Variants in CPVL observed in about 807,000 individuals in gnomAD.
CPVL encodes the protein probable serine carboxypeptidase CPVL.
Under a neutral mutation model 63.7 loss-of-function variants are expected in CPVL, and 51 were observed. That is an observed-to-expected ratio of 0.80 (90% CI 0.64 to 1.01). CPVL has a LOEUF of 1.01. CPVL is among the 50% of genes least tolerant of loss of function. The pLI, the probability that CPVL is intolerant of heterozygous loss-of-function variation, is 0.00. For missense variants in CPVL, 530 were observed against 573.1 expected (o/e 0.92, Z 0.77); for synonymous variants, 195 against 206.0 (o/e 0.95, Z 0.46).
At chr7:29,019,460 G>C (rs1786738660) in intron 12 of CPVL, among the ~76,000 whole-genome samples, 1 of 152,138 alleles carries the variant, frequency 6.6e-6, no homozygotes, top group South Asian at 2.1e-4. Flanking sequence ...GAATACACAG[G>C]GAAAATTGCT....
At chr7:29,087,697 G>A (rs769909920) in intron 6 of CPVL, among the ~76,000 whole-genome samples, 1 of 152,194 alleles carries the variant, frequency 6.6e-6, no homozygotes, top group Non-Finnish European at 1.5e-5. Context: ...AACCATCCAG[G>A]AAGATGAAAG....
intron 1 of CPVL, among the ~76,000 whole-genome samples, chr7:29,129,861 C>T (rs1790501713): frequency 6.6e-6 from 1 of 152,012 alleles, no homozygotes; most frequent in Non-Finnish European, 1.5e-5. Flanking sequence ...TAACTCGTGT[C>T]CTTATAATAA....
At chr7:29,144,911 T>G (rs1235073022) in intron 1 of CPVL, among the ~76,000 whole-genome samples, 1 of 152,110 alleles carries the variant, frequency 6.6e-6, no homozygotes, top group East Asian at 1.9e-4. Context: ...ATAAAGTGAT[T>G]TATAAACTGG....
intron 12 of CPVL, chr7:29,010,358 G>GA (rs1785692790): frequency 2.0e-5 from 3 of 149,740 alleles, no homozygotes; most frequent in African/African-American, 7.4e-5. Flanking sequence ...AGTACAAACA[G>GA]GAGAAAAAGA....
chr7:29,099,243 A>T (rs1332116741), intron 3 of CPVL, among the ~76,000 whole-genome samples: 1 of 126,482 alleles, frequency 7.9e-6, no homozygotes, highest in Non-Finnish European at 1.6e-5. Flanking sequence ...GAATTTGTAG[A>T]TGGCTTGAAC....
At chr7:29,073,246 G>A (rs972520699) in intron 7 of CPVL, among the ~76,000 whole-genome samples, 5 of 152,070 alleles carry the variant, frequency 3.3e-5, no homozygotes, top group Admixed American at 1.3e-4. Context: ...GGTGCCATTC[G>A]TTATATCTCT....
At chr7:29,117,540 T>C (rs1330477636) in intron 2 of CPVL, among the ~76,000 whole-genome samples, 1 of 152,148 alleles carries the variant, frequency 6.6e-6, no homozygotes, top group Non-Finnish European at 1.5e-5. Flanking sequence ...TATCATGGGC[T>C]CTGGGGTTGG....
chr7:29,046,591 A>ATACT (rs1412352863), intron 11 of CPVL, among the ~76,000 whole-genome samples: 3 of 151,570 alleles, frequency 2.0e-5, no homozygotes, highest in Non-Finnish European at 4.4e-5. Flanking sequence ...ACACACACAC[A>ATACT]CATACTCATA....
intron 12 of CPVL, among the ~76,000 whole-genome samples, chr7:29,004,002 G>C (rs896056012): frequency 6.6e-6 from 1 of 152,156 alleles, no homozygotes; most frequent in Non-Finnish European, 1.5e-5. Context: ...TGTGACCGAG[G>C]GATTGGGGGC....
intron 5 of CPVL, among the ~76,000 whole-genome samples, chr7:29,159,833 T>C (rs187249172): frequency 6.6e-6 from 1 of 152,306 alleles, no homozygotes; most frequent in Non-Finnish European, 1.5e-5. Context: ...CAGGAAATTA[T>C]TGTGATTTGT....
At chr7:29,073,846 T>C (rs1783984251) in intron 7 of CPVL, among the ~76,000 whole-genome samples, 1 of 152,198 alleles carries the variant, frequency 6.6e-6, no homozygotes, top group South Asian at 2.1e-4. Flanking sequence ...TAGTGCTCAA[T>C]AAATAGTTGT....
Position 29,108,739 on chromosome 7 carries a change from G to T in CPVL, c.288+3965C>A, listed in dbSNP as rs186662375. ...AAACCATTGCCAAGTAGGTATTTTG[G>T]TCCCCATTTTAAAATGAGGAAACCA... On this transcript the variant is annotated intron_variant, in intron 3 of 12. Transcript: ENST00000265394. Among the ~76,000 whole-genome samples, 774 of 152,196 alleles carry T rather than the reference G, an allele frequency of 5.1e-3. 4 individuals carry two copies. Among genetic ancestry groups the T allele is most frequent in the Admixed American group, 9.0e-3 (138 of 15,288 alleles).
At chr7:29,071,717 T>G in intron 9 of CPVL, 56 bp downstream of exon 9, 1 of 341,404 alleles carries the variant, frequency 2.9e-6, no homozygotes, top group Non-Finnish European at 5.0e-6. Flanking sequence ...TCACCCGCCC[T>G]CCCTCCCCAG....
At chr7:29,054,067 G>GT (rs1562743531) in intron 11 of CPVL, among the ~76,000 whole-genome samples, 1 of 151,748 alleles carries the variant, frequency 6.6e-6, no homozygotes, top group African/African-American at 2.4e-5. Flanking sequence ...GCAAGATCCT[G>GT]TCACAAAACA....
intron 12 of CPVL, among the ~76,000 whole-genome samples, chr7:29,014,960 GTC>G (rs1399703695): frequency 6.6e-6 from 1 of 152,218 alleles, no homozygotes; most frequent in African/African-American, 2.4e-5. Flanking sequence ...GTGGCTAGCT[GTC>G]TGTCATTCCT....
chr7:29,158,345 C>G (rs1794708535), intron 5 of CPVL, among the ~76,000 whole-genome samples: 1 of 152,138 alleles, frequency 6.6e-6, no homozygotes, highest in African/African-American at 2.4e-5. Context: ...CTTTTTATTG[C>G]TGTAGAGCAG....
intron 1 of CPVL, among the ~76,000 whole-genome samples, chr7:29,130,101 T>C (rs1034300681): frequency 6.6e-6 from 1 of 152,134 alleles, no homozygotes; most frequent in African/African-American, 2.4e-5. Context: ...ACCCAGATGG[T>C]GGTGTTTTGT....
chr7:29,006,054 A>G (rs1785161028), intron 12 of CPVL, among the ~76,000 whole-genome samples: 1 of 152,202 alleles, frequency 6.6e-6, no homozygotes, highest in Admixed American at 6.5e-5. Flanking sequence ...CTAACCTGCT[A>G]AAGATTTACT....
chr7:29,141,236 G>A (rs1177355690), intron 1 of CPVL, among the ~76,000 whole-genome samples: 2 of 152,316 alleles, frequency 1.3e-5, no homozygotes, highest in South Asian at 2.1e-4. Flanking sequence ...GCAGTCCGGT[G>A]GGAATAGCAT....
Sources: gnomAD v4.1 joint callset for allele counts (sites outside exome capture counted in the v4.1 genomes callset) on GRCh38, gnomAD v4.1.1 for gene constraint, MANE v1.5 for transcripts, NCBI Gene and HGNC (gene_info 2026-07-23, HGNC 2026-07-21) for gene names.